TMEFF2: variants seen among roughly 807,000 people sequenced by gnomAD.
The protein encoded by TMEFF2 is transmembrane protein with EGF like and two follistatin like domains 2, also known as tomoregulin-2.
A neutral mutation model predicts 53.8 loss-of-function variants in TMEFF2; 28 were observed. The observed-to-expected ratio is 0.52, with a 90% CI of 0.39 to 0.71. TMEFF2 has a LOEUF of 0.71. TMEFF2 is among the 30% of genes least tolerant of loss of function. The probability of loss-of-function intolerance (pLI) is 0.00; values close to 1 mark genes in which losing one functional copy is unlikely to be tolerated. For synonymous variants in TMEFF2, 162 were observed against 166.3 expected (o/e 0.97, Z 0.20); for missense variants, 353 against 455.2 (o/e 0.78, Z 2.04).
At chr2:191,996,550 CATT>C (rs1366937728) in intron 7 of TMEFF2, among the ~76,000 whole-genome samples, 6 of 151,582 alleles carry the variant, frequency 4.0e-5, no homozygotes, top group African/African-American at 7.3e-5. Context: ...TTTTATTTTT[CATT>C]ATTATCTTTT....
At chr2:192,089,973 T>C (rs1688754620) in intron 4 of TMEFF2, among the ~76,000 whole-genome samples, 1 of 152,168 alleles carries the variant, frequency 6.6e-6, no homozygotes, top group Non-Finnish European at 1.5e-5. Flanking sequence ...TCTCTTTTCT[T>C]GAGAATTCTA....
At chr2:192,083,827 A>T (rs1213194822) in intron 4 of TMEFF2, among the ~76,000 whole-genome samples, 2 of 151,818 alleles carry the variant, frequency 1.3e-5, no homozygotes, top group African/African-American at 4.8e-5. Flanking sequence ...AACTTGTAGG[A>T]TCTATTTTGA....
At chr2:191,996,110 G>T (rs1702701802) in intron 7 of TMEFF2, among the ~76,000 whole-genome samples, 1 of 151,796 alleles carries the variant, frequency 6.6e-6, no homozygotes, top group Non-Finnish European at 1.5e-5. Context: ...ATACTTTTTG[G>T]AATAAAAATT....
intron 5 of TMEFF2, among the ~76,000 whole-genome samples, chr2:192,021,181 A>G (rs1224592719): frequency 6.7e-6 from 1 of 149,158 alleles, no homozygotes; most frequent in African/African-American, 2.4e-5. Flanking sequence ...GGTTGAGGAC[A>G]CTTACTTACT....
intron 7 of TMEFF2, among the ~76,000 whole-genome samples, 199 bp from the exon 8 acceptor site, chr2:191,956,577 A>G (rs1053575747): frequency 4.6e-5 from 7 of 152,234 alleles, no homozygotes; most frequent in African/African-American, 1.7e-4. Flanking sequence ...TTGCAAAATT[A>G]CCCAGTGCTT....
chr2:191,996,987 TAAATA>T (rs1213242334), intron 7 of TMEFF2, among the ~76,000 whole-genome samples: 1 of 151,944 alleles, frequency 6.6e-6, no homozygotes, highest in Non-Finnish European at 1.5e-5. Flanking sequence ...GTAAAATAAA[TAAATA>T]AAAGATGTAT....
At chr2:192,167,367 G>A (rs1206537959) in intron 4 of TMEFF2, among the ~76,000 whole-genome samples, 1 of 152,030 alleles carries the variant, frequency 6.6e-6, no homozygotes, top group Non-Finnish European at 1.5e-5. Flanking sequence ...CAATCAAAGG[G>A]AGAAATGCAT....
intron 4 of TMEFF2, among the ~76,000 whole-genome samples, chr2:192,071,531 T>A (rs147888783): frequency 2.3e-3 from 342 of 151,940 alleles, no homozygotes; most frequent in African/African-American, 8.0e-3. Context: ...AGCTACCTGA[T>A]TGGTTACCCT....
intron 5 of TMEFF2, among the ~76,000 whole-genome samples, chr2:192,052,361 C>G (rs1163037301): frequency 6.6e-6 from 1 of 152,154 alleles, no homozygotes; most frequent in Non-Finnish European, 1.5e-5. Context: ...GTATCAACCC[C>G]CGGGCTCTGA....
At chr2:191,996,455 CA>C (rs1232411421) in intron 7 of TMEFF2, among the ~76,000 whole-genome samples, 8 of 151,860 alleles carry the variant, frequency 5.3e-5, no homozygotes, top group Non-Finnish European at 1.2e-4. Flanking sequence ...ATAATACCAT[CA>C]AAATATAATA....
intron 4 of TMEFF2, among the ~76,000 whole-genome samples, chr2:192,097,706 T>A (rs1171222421): frequency 6.6e-6 from 1 of 152,192 alleles, no homozygotes; most frequent in Non-Finnish European, 1.5e-5. Flanking sequence ...CCCTTTGACC[T>A]CCATTATTAG....
chr2:192,189,167 C>T (rs1691397129), intron 2 of TMEFF2, among the ~76,000 whole-genome samples: 1 of 152,014 alleles, frequency 6.6e-6, no homozygotes, highest in Non-Finnish European at 1.5e-5. Context: ...TTTAGTGTTC[C>T]AGTGATAAGG....
At chr2:192,087,628 G>A (rs1184635241) in intron 4 of TMEFF2, among the ~76,000 whole-genome samples, 1 of 152,082 alleles carries the variant, frequency 6.6e-6, no homozygotes, top group Non-Finnish European at 1.5e-5. Context: ...AATTAAAGAA[G>A]AAATGAAAAG....
chr2:191,998,847 G>C (rs1686286493), intron 6 of TMEFF2, among the ~76,000 whole-genome samples: 1 of 151,858 alleles, frequency 6.6e-6, no homozygotes, highest in Non-Finnish European at 1.5e-5. Flanking sequence ...TGACAATACA[G>C]TTCCATTGTA....
At chr2:192,105,381 A>G (rs1310299316) in intron 4 of TMEFF2, among the ~76,000 whole-genome samples, 2 of 151,822 alleles carry the variant, frequency 1.3e-5, no homozygotes, top group Middle Eastern at 3.2e-3. Flanking sequence ...TTGAAATATT[A>G]TAGGTAAAAT....
At chr2:192,097,736 AT>A (rs916030946) in intron 4 of TMEFF2, among the ~76,000 whole-genome samples, 22 of 152,116 alleles carry the variant, frequency 1.4e-4, no homozygotes, top group Non-Finnish European at 8.8e-5. Context: ...AGGTCTTTAT[AT>A]TTTTATTTTT....
At chr2:192,000,029 T>C (rs1686318829) in intron 5 of TMEFF2, among the ~76,000 whole-genome samples, 1 of 152,112 alleles carries the variant, frequency 6.6e-6, no homozygotes, top group Non-Finnish European at 1.5e-5. Flanking sequence ...TAATGAGAAT[T>C]AGGTTACCTA....
chr2:192,108,076 C>T (rs1311294889), intron 4 of TMEFF2, among the ~76,000 whole-genome samples: 2 of 151,396 alleles, frequency 1.3e-5, no homozygotes, highest in Non-Finnish European at 3.0e-5. Flanking sequence ...GCTAGTCGTT[C>T]GTTATATGTG....
chr2:191,966,103 T>C (rs750366157), intron 7 of TMEFF2, among the ~76,000 whole-genome samples: 14 of 152,154 alleles, frequency 9.2e-5, no homozygotes, highest in Non-Finnish European at 1.5e-4. Flanking sequence ...TCTACTGATA[T>C]TGGGAAGTTT....
Sources: allele counts gnomAD v4.1 joint callset (sites outside exome capture counted in the v4.1 genomes callset), GRCh38; gene constraint gnomAD v4.1.1; transcripts MANE v1.5; gene names NCBI Gene and HGNC (gene_info 2026-07-23, HGNC 2026-07-21).